SEPTIN10: variants seen among roughly 807,000 people sequenced by gnomAD.
The protein encoded by SEPTIN10 is septin-10.
A neutral mutation model predicts 54.8 loss-of-function variants in SEPTIN10; 66 were observed. That is an observed-to-expected ratio of 1.21 (90% CI 0.99 to 1.48). SEPTIN10 has a LOEUF of 1.48. SEPTIN10 is among the 40% of genes most tolerant of loss of function. The pLI is 0.00. For missense variants in SEPTIN10, 620 were observed against 545.6 expected, an observed-to-expected ratio of 1.14 and a Z score of -1.36; for synonymous variants, 161 against 181.0, an observed-to-expected ratio of 0.89 and a Z score of 0.89.
chr2:109,606,139 G>A lies in SEPTIN10; in HGVS notation c.30+7659C>T, dbSNP rs539455714. On this transcript the variant is annotated intron_variant, in intron 1 of 10. Transcript: ENST00000397712. ...AGAATAAAATGTGGTAACACAGGCCGGGTGCCGTGGCTCATGCCTGTAATC... is the reference window on the plus strand; with the variant it reads ...AGAATAAAATGTGGTAACACAGGCCAGGTGCCGTGGCTCATGCCTGTAATC... Among the ~76,000 whole-genome samples the A allele has an allele frequency of 3.9e-5, 6 of 152,282 alleles. No individual in the cohort carries two copies. In the East Asian group the frequency reaches 5.8e-4, roughly 15 times the overall value.
At chr2:109,593,490 C>T (rs1399745589) in intron 1 of SEPTIN10, among the ~76,000 whole-genome samples, 1 of 148,840 alleles carries the variant, frequency 6.7e-6, no homozygotes. Flanking sequence ...ACTGCAACCT[C>T]CGTCTCCCAG....
chr2:109,551,042 T>C (rs1682805995), intron 9 of SEPTIN10, among the ~76,000 whole-genome samples: 1 of 152,220 alleles, frequency 6.6e-6, no homozygotes, highest in African/African-American at 2.4e-5. Context: ...GGAGGGTATA[T>C]AGGAAATCCG....
At chr2:109,593,002 T>C (rs367683831) in intron 2 of SEPTIN10, 49 bp downstream of exon 2, 209 of 1,277,172 alleles carry the variant, frequency 1.6e-4, no homozygotes, top group Non-Finnish European at 2.0e-4. Context: ...TTTAAAATCA[T>C]AGAAGCATTT....
intron 8 of SEPTIN10, among the ~76,000 whole-genome samples, chr2:109,558,741 A>G (rs1316545956): frequency 6.6e-6 from 1 of 152,220 alleles, no homozygotes; most frequent in African/African-American, 2.4e-5. Flanking sequence ...GCCAGGAAGT[A>G]CAGTCACATA....
intron 9 of SEPTIN10, among the ~76,000 whole-genome samples, chr2:109,547,816 A>G (rs140025179): frequency 1.6e-4 from 25 of 152,354 alleles, no homozygotes; most frequent in Middle Eastern, 3.4e-3. Flanking sequence ...AGCACTCGAT[A>G]AATATTAGCC....
At chr2:109,585,098 T>G (rs750173628) in intron 4 of SEPTIN10, 28 bp downstream of exon 4, 2 of 1,437,832 alleles carry the variant, frequency 1.4e-6, no homozygotes, top group Non-Finnish European at 9.3e-7. Flanking sequence ...AAGAAAAACT[T>G]GTTTTATTAC....
At chr2:109,556,883 A>C (rs1309793112) in intron 8 of SEPTIN10, among the ~76,000 whole-genome samples, 9 of 152,178 alleles carry the variant, frequency 5.9e-5, no homozygotes, top group Non-Finnish European at 1.2e-4. Flanking sequence ...ACATGGATGA[A>C]GCTGGAAATC....
At chr2:109,575,666 A>G (rs918759676) in intron 4 of SEPTIN10, among the ~76,000 whole-genome samples, 11 of 152,196 alleles carry the variant, frequency 7.2e-5, no homozygotes, top group African/African-American at 2.7e-4. Flanking sequence ...ACTCTTAACT[A>G]TTCTCATTAA....
At position 109,564,387 on chromosome 2, in the gene SEPTIN10, C is replaced by G. The variant is rs780202127; in HGVS notation, c.1007G>C (p.Gly336Ala). The G allele has an allele frequency of 6.4e-7, 1 of 1,574,680 alleles. No homozygotes were observed. The highest frequency in any genetic ancestry group is 8.6e-7 in the Non-Finnish European group (1 of 1,156,844). ...CTACCTGACTGGCTTGTTTTCTGGG[C>G]CCACATCTGTAAAGCCCATTTCCTC... ...KLEEMGFTDV[G>A]PENKPVSVQE... Residue 336 changes from glycine (G) to alanine (A), a missense_variant, in exon 8 of 11, where the codon GGC becomes GCC. Coordinates refer to ENST00000397712, the MANE Select transcript of SEPTIN10 (RefSeq NM_144710.5).
chr2:109,554,539 G>A (rs908196064), intron 8 of SEPTIN10, among the ~76,000 whole-genome samples: 2 of 152,124 alleles, frequency 1.3e-5, no homozygotes, highest in Non-Finnish European at 2.9e-5. Context: ...AACTCAGACT[G>A]GGACAATTTA....
chr2:109,559,067 G>C (rs1685031898), intron 8 of SEPTIN10, among the ~76,000 whole-genome samples: 1 of 152,014 alleles, frequency 6.6e-6, no homozygotes, highest in South Asian at 2.1e-4. Flanking sequence ...TGTATTTTTA[G>C]TACAGACAGG....
chr2:109,562,256 A>G (rs1353537403), intron 8 of SEPTIN10, among the ~76,000 whole-genome samples: 2 of 151,642 alleles, frequency 1.3e-5, no homozygotes, highest in Non-Finnish European at 2.9e-5. Context: ...AAAAAAATAC[A>G]TGTCTTAAGC....
Position 109,613,817 on chromosome 2 carries a change from G to C in SEPTIN10, c.11C>G (p.Ser4Cys). Residue 4 changes from serine (S) to cysteine (C), a missense_variant, in exon 1 of 11, where the codon TCC (serine) becomes TGC (cysteine). Transcript: ENST00000397712. MAS[S>C]EVARHLLFQS... is the part of the protein sequence containing the mutation. Reference sequence around the variant, plus strand: ...ACTCACCAGGTGCCGCGCCACCTCGGAGGAGGCCATGGTCGCGGGCAGGGG... The same window carrying C: ...ACTCACCAGGTGCCGCGCCACCTCGCAGGAGGCCATGGTCGCGGGCAGGGG... The C allele has an allele frequency of 8.1e-7, 1 of 1,235,956 alleles. No individual in the cohort carries two copies. Among genetic ancestry groups the C allele is most frequent in the South Asian group, 3.9e-5 (1 of 25,620 alleles). The allele number at this position is 1,235,956 out of a possible 1,614,324, so 76.6% of individuals were successfully genotyped here. A position where few individuals can be genotyped will look rare whatever the true frequency, so the allele number is the denominator to read the frequency against.
In SEPTIN10 at chr2:109,567,757, C is replaced by T. The variant is rs1687368364; in HGVS notation, c.762+58G>A. Reference sequence around the variant, plus strand: ...AGTGTATTAGCAGCAATATTACTCACAAATTACAGTTTTATTTTCACATGG... The same window carrying T: ...AGTGTATTAGCAGCAATATTACTCATAAATTACAGTTTTATTTTCACATGG... On this transcript the variant is annotated intron_variant, in intron 6 of 10. Transcript: ENST00000397712. 3 of 1,479,440 alleles carry T rather than the reference C, an allele frequency of 2.0e-6. No individual in the cohort carries two copies. In the East Asian group the frequency reaches 7.0e-5, roughly 35 times the overall value. 91.6% of individuals were successfully genotyped at this position (1,479,440 alleles called of 1,614,324 possible).
At chr2:109,559,319 C>T (rs1223313651) in intron 8 of SEPTIN10, among the ~76,000 whole-genome samples, 1 of 152,202 alleles carries the variant, frequency 6.6e-6, no homozygotes. Flanking sequence ...CTCAACTTTA[C>T]CCAAGTGATC....
intron 5 of SEPTIN10, 125 bp downstream of exon 5, chr2:109,574,443 TAAAAAAAAAAAAA>T (rs55980206): frequency 4.0e-6 from 1 of 252,296 alleles, no homozygotes; most frequent in South Asian, 2.0e-4. Context: ...ACTTTATCTC[TAAAAAAAAAAAAA>T]AAAAAAAAAA....
At chr2:109,567,765 A>T in intron 6 of SEPTIN10, 50 bp downstream of exon 6, 1 of 1,500,456 alleles carries the variant, frequency 6.7e-7, no homozygotes, top group South Asian at 1.4e-5. Context: ...CACAAATTAC[A>T]GTTTTATTTT....
chr2:109,556,163 A>G (rs1000793840), intron 8 of SEPTIN10, among the ~76,000 whole-genome samples: 7 of 152,210 alleles, frequency 4.6e-5, no homozygotes, highest in African/African-American at 1.4e-4. Context: ...CTGGAACTCT[A>G]CCAGTAGCTG....
chr2:109,563,590 C>T lies in SEPTIN10; in HGVS notation c.1028+776G>A, dbSNP rs1686201223. On this transcript the variant is annotated intron_variant, in intron 8 of 10. Coordinates refer to ENST00000397712, the MANE Select transcript of SEPTIN10 (RefSeq NM_144710.5). ...GAGTTGCATAAAGTCTGGGATACAG[C>T]ACCATATAAAATTACCAAGGAAGTT... 2.0e-5 allele frequency among the ~76,000 whole-genome samples: 3 copies of T among 152,180 alleles called. No homozygotes were observed. The South Asian group carries it at 6.2e-4, about 31-fold the overall frequency.
Sources: gnomAD v4.1 joint callset for allele counts (sites outside exome capture counted in the v4.1 genomes callset) on GRCh38, gnomAD v4.1.1 for gene constraint, MANE v1.5 for transcripts, NCBI Gene and HGNC (gene_info 2026-07-23, HGNC 2026-07-21) for gene names.